Variants in COPS3 observed in about 807,000 individuals in gnomAD.
The protein encoded by COPS3 is COP9 signalosome complex subunit 3.
A neutral mutation model predicts 58.2 loss-of-function variants in COPS3; 10 were observed. The observed-to-expected ratio is 0.17, with a 90% CI of 0.11 to 0.29. The LOEUF is 0.29. Among genes scored for constraint, COPS3 ranks in the 10% least tolerant of loss-of-function variants. COPS3 has a pLI of 1.00. For synonymous variants in COPS3, 187 were observed against 181.7 expected (o/e 1.03, Z -0.24); for missense variants, 333 against 510.1 (o/e 0.65, Z 3.34).
chr17:17,277,951 T>C (rs2048495321), intron 1 of COPS3, among the ~76,000 whole-genome samples: 1 of 152,004 alleles, frequency 6.6e-6, no homozygotes, highest in Admixed American at 6.6e-5. Context: ...CTGGCCAACA[T>C]GGTGAAACCC....
chr17:17,268,636 T>C (rs2048278166), intron 4 of COPS3, among the ~76,000 whole-genome samples: 1 of 152,082 alleles, frequency 6.6e-6, no homozygotes, highest in South Asian at 2.1e-4. Context: ...CTGGCCAACA[T>C]GGCAAAACCC....
chr17:17,271,041 G>A (rs2048329803), intron 2 of COPS3, 33 bp from the exon 3 acceptor site: 1 of 1,416,152 alleles, frequency 7.1e-7, no homozygotes. Flanking sequence ...AAATTACCCT[G>A]ATAGTTCATG....
intron 7 of COPS3, chr17:17,261,526 C>CTAAA (rs56073511): frequency 0.59 from 169,967 of 290,484 alleles, 52,628 homozygotes; most frequent in East Asian, 0.8. Flanking sequence ...AACTCCATTT[C>CTAAA]TAAATAAATA....
At chr17:17,274,277 T>C (rs1597701151) in intron 2 of COPS3, among the ~76,000 whole-genome samples, 1 of 152,156 alleles carries the variant, frequency 6.6e-6, no homozygotes, top group East Asian at 1.9e-4. Flanking sequence ...CACTGACCTA[T>C]TGTGAACCCC....
chr17:17,274,800 CT>C (rs1308026322), intron 2 of COPS3, among the ~76,000 whole-genome samples: 1 of 151,226 alleles, frequency 6.6e-6, no homozygotes, highest in Non-Finnish European at 1.5e-5. Flanking sequence ...CAACCAATGC[CT>C]TAATAGTGCT....
intron 2 of COPS3, among the ~76,000 whole-genome samples, chr17:17,271,765 A>G (rs796851395): frequency 1.3e-4 from 19 of 150,384 alleles, no homozygotes; most frequent in African/African-American, 4.6e-4. Flanking sequence ...GGTTGCAGTG[A>G]GCTGAGATGG....
intron 6 of COPS3, 33 bp from the exon 7 acceptor site, chr17:17,262,139 AACAT>A: frequency 6.3e-7 from 1 of 1,585,038 alleles, no homozygotes; most frequent in Non-Finnish European, 8.5e-7. Flanking sequence ...CTGTAAAGAG[AACAT>A]ACCACAGTAG....
chr17:17,278,790 G>A (rs914237042), intron 1 of COPS3, among the ~76,000 whole-genome samples: 2 of 151,384 alleles, frequency 1.3e-5, no homozygotes, highest in Non-Finnish European at 2.9e-5. Flanking sequence ...CAGGGCCAAG[G>A]GCAGAGTAAA....
Position 17,247,012 on chromosome 17 carries a change from G to T in COPS3, c.*86C>A. The stretch of plus-strand genomic sequence containing the variant: ...AATTTCTTAGTCTCCAGGTGACACA[G>T]GCTTGGTCCTCTCTGCTGCCCTCCG... On this transcript the variant is annotated 3_prime_UTR_variant, in exon 12 of 12. Transcript: ENST00000268717. The T allele has an allele frequency of 8.5e-7, 1 of 1,181,706 alleles. No homozygotes were observed. Among genetic ancestry groups the T allele is most frequent in the Non-Finnish European group, 1.3e-6 (1 of 785,718 alleles). The allele number at this position is 1,181,706 out of a possible 1,614,324, so 73.2% of individuals were successfully genotyped here.
intron 9 of COPS3, among the ~76,000 whole-genome samples, chr17:17,252,375 C>T (rs1029757331): frequency 6.8e-6 from 1 of 147,888 alleles, no homozygotes; most frequent in African/African-American, 2.7e-5. Flanking sequence ...GTACAGATAA[C>T]GCTTTGGTGT....
At chr17:17,252,257 C>CA (rs906465737) in intron 9 of COPS3, among the ~76,000 whole-genome samples, 20 of 151,170 alleles carry the variant, frequency 1.3e-4, no homozygotes, top group Admixed American at 3.3e-4. Flanking sequence ...AACAAACAAA[C>CA]AAAAAAAAAC....
chr17:17,273,736 T>C (rs944225659), intron 2 of COPS3, among the ~76,000 whole-genome samples: 2 of 152,170 alleles, frequency 1.3e-5, no homozygotes, highest in Admixed American at 6.5e-5. Flanking sequence ...CCTGTGGTCC[T>C]GGCTACTCAG....
chr17:17,268,836 A>T (rs1434248209), intron 4 of COPS3, among the ~76,000 whole-genome samples: 1 of 145,974 alleles, frequency 6.9e-6, no homozygotes, highest in Non-Finnish European at 1.5e-5. Context: ...CAACAACAAC[A>T]ACAACAACAA....
chr17:17,262,888 G>A (rs1254237861), intron 6 of COPS3, among the ~76,000 whole-genome samples: 5 of 151,758 alleles, frequency 3.3e-5, no homozygotes, highest in African/African-American at 9.7e-5. Flanking sequence ...GAGCCACCAC[G>A]CCTGGCCACT....
Position 17,264,952 on chromosome 17 carries a change from A to G in COPS3, c.471T>C (p.Pro157=). ...TATCCACGTCAAGATATGGAAGGGC[A>G]GGCTTAAAGCATTTTGCTAGCAAAC... ...QLCLLAKCFK[P]ALPYLDVDMM... The change falls in exon 6 of 12, where the codon CCT becomes CCC. Residue 157 remains proline (P), a synonymous_variant. Transcript: ENST00000268717. 6.2e-7 allele frequency: 1 copy of G among 1,613,006 alleles called. No individual in the cohort carries two copies. Among genetic ancestry groups the G allele is most frequent in the Non-Finnish European group, 8.5e-7 (1 of 1,179,828 alleles).
intron 8 of COPS3, 74 bp from the exon 9 acceptor site, chr17:17,255,019 C>T (rs1334984054): frequency 4.8e-6 from 5 of 1,052,404 alleles, no homozygotes; most frequent in Admixed American, 1.8e-5. Flanking sequence ...GTGTACAGAG[C>T]GGCCAGGCGT....
In COPS3 at chr17:17,254,320, A is replaced by G. The variant is rs1366662898; in HGVS notation, c.1023+539T>C. On this transcript the variant is annotated intron_variant, in intron 9 of 11. Transcript: ENST00000268717. ...GAAGCCATCTCAAAAAAAAAAAAAA[A>G]GGAAGCACAAATAGGACGCAAGCCT... Among the ~76,000 whole-genome samples, 8 of 151,718 alleles carry G rather than the reference A, an allele frequency of 5.3e-5. No homozygotes were observed. In the East Asian group the frequency reaches 1.5e-3, roughly 29 times the overall value.
At chr17:17,271,088 T>C (rs2048330619) in intron 2 of COPS3, 80 bp from the exon 3 acceptor site, 1 of 963,878 alleles carries the variant, frequency 1.0e-6, no homozygotes, top group East Asian at 2.6e-5. Context: ...AAGAAATCCA[T>C]CCTGCCTCCA....
In COPS3 at chr17:17,251,088, A is replaced by G. The variant is rs1047600852; in HGVS notation, c.1024-2049T>C. On this transcript the variant is annotated intron_variant, in intron 9 of 11. Coordinates refer to ENST00000268717, the MANE Select transcript of COPS3 (RefSeq NM_003653.4). ...CAGCTCACTGCAAGCTCCACCTCCCAGGTTCATGCCATTCTCCTGCCTCAG... is the reference window on the plus strand; with the variant it reads ...CAGCTCACTGCAAGCTCCACCTCCCGGGTTCATGCCATTCTCCTGCCTCAG... Among the ~76,000 whole-genome samples, 8 of 151,470 alleles carry G rather than the reference A, an allele frequency of 5.3e-5. No individual in the cohort carries two copies. In the South Asian group the frequency reaches 1.5e-3, roughly 28 times the overall value.
Sources: allele counts gnomAD v4.1 joint callset (sites outside exome capture counted in the v4.1 genomes callset), GRCh38; gene constraint gnomAD v4.1.1; transcripts MANE v1.5; gene names NCBI Gene and HGNC (gene_info 2026-07-23, HGNC 2026-07-21).